MBNL3: variants seen among roughly 807,000 people sequenced by gnomAD.
MBNL3 encodes the protein muscleblind-like protein 3.
MBNL3 carries 6 observed loss-of-function variants against 24.5 expected under a neutral mutation model. That is an observed-to-expected ratio of 0.25 (90% confidence interval 0.13 to 0.48). The LOEUF is 0.48. Ranked by LOEUF, MBNL3 falls within the 20% of genes least tolerant of loss-of-function variation. MBNL3 has a pLI of 0.99. For synonymous variants in MBNL3, 100 were observed against 101.7 expected, an observed-to-expected ratio of 0.98 and a Z score of 0.10; for missense variants, 230 against 293.5, an observed-to-expected ratio of 0.78 and a Z score of 1.58.
At chrX:132,460,267 T>C (rs1223678057) in intron 1 of MBNL3, among the ~76,000 whole-genome samples, 2 of 111,956 alleles carry the variant, frequency 1.8e-5, no homozygotes, top group Non-Finnish European at 3.8e-5. Flanking sequence ...TCATGAAAAA[T>C]TGGAAACTTT....
intron 3 of MBNL3, among the ~76,000 whole-genome samples, chrX:132,399,980 C>T (rs1450218585): frequency 9.1e-6 from 1 of 110,488 alleles, no homozygotes; most frequent in Non-Finnish European, 1.9e-5. Context: ...CTGAGCTAAC[C>T]AGCCCCAGAG....
At chrX:132,469,238 G>C (rs143167142) in intron 1 of MBNL3, among the ~76,000 whole-genome samples, 1,483 of 112,623 alleles carry the variant, frequency 0.013, 27 homozygotes, top group African/African-American at 0.046. Flanking sequence ...TCACAGTGTA[G>C]TGTAACTCCT....
intron 1 of MBNL3, among the ~76,000 whole-genome samples, chrX:132,477,844 A>G (rs1432590527): frequency 5.4e-5 from 6 of 111,916 alleles, no homozygotes; most frequent in Non-Finnish European, 1.1e-4. Context: ...AATCTTTCCC[A>G]TTAATATTTT....
At position 132,394,890 on chromosome X, in the gene MBNL3, T is replaced by C. The variant is rs193286302; in HGVS notation, c.343-2556A>G. 7.1e-4 allele frequency among the ~76,000 whole-genome samples: 80 copies of C among 112,136 alleles called. No individual in the cohort carries two copies. The East Asian group carries it at 0.011, about 16-fold the overall frequency. ...TCCAAGTGTATGGAAAAAAAGGCTA[T>C]AAATTAATGATTGGTCTACATATAA... On this transcript the variant is annotated intron_variant, in intron 3 of 8. Coordinates refer to ENST00000370853, the MANE Select transcript of MBNL3 (RefSeq NM_001386889.1).
intron 1 of MBNL3, among the ~76,000 whole-genome samples, chrX:132,448,592 C>G (rs1945869342): frequency 9.0e-6 from 1 of 111,166 alleles, no homozygotes; most frequent in African/African-American, 3.3e-5. Flanking sequence ...AAATCCAGCT[C>G]CTAGATTCAT....
chrX:132,381,219 TATA>T, intron 8 of MBNL3: 5 of 344,529 alleles, frequency 1.5e-5, no homozygotes, highest in Non-Finnish European at 2.0e-5. Flanking sequence ...TTGGAAAATT[TATA>T]ATGTGTAAAT....
intron 2 of MBNL3, among the ~76,000 whole-genome samples, chrX:132,406,761 G>A (rs1941891792): frequency 8.9e-6 from 1 of 111,882 alleles, no homozygotes; most frequent in Non-Finnish European, 1.9e-5. Flanking sequence ...TGTTGGCATG[G>A]CTGCTGATTA....
chrX:132,471,151 A>G (rs1391753802), intron 1 of MBNL3, among the ~76,000 whole-genome samples: 1 of 111,316 alleles, frequency 9.0e-6, no homozygotes, highest in Non-Finnish European at 1.9e-5. Context: ...AGTAGCTGTT[A>G]CTATTAGAAA....
At position 132,424,389 on chromosome X, in the gene MBNL3, G is replaced by A. The variant is rs780277313; in HGVS notation, c.177+15046C>T. Among the ~76,000 whole-genome samples, 183 of 111,724 alleles carry A rather than the reference G, an allele frequency of 1.6e-3. 1 individual carries two copies. The highest frequency in any genetic ancestry group is 5.4e-3 in the African/African-American group (166 of 30,784). On this transcript the variant is annotated intron_variant, in intron 2 of 8. Transcript: ENST00000370853. ...GACGCCTGCTTGGAGGTTGTGAACA[G>A]TGGGGAGATCAAAGGTAACTAGTGG...
rs1230853407 is a variant in MBNL3 at position 132,439,581 on chromosome X, C to T, written c.31G>A (p.Asp11Asn). MTAVNVALIR[D>N]TKWLTLEVCR... ...ACTTCTAAAGTCAGCCACTTGGTATCACGAATCAGGGCAACATTGACAGCC... is the reference window on the plus strand; with the variant it reads ...ACTTCTAAAGTCAGCCACTTGGTATTACGAATCAGGGCAACATTGACAGCC... The change falls in exon 2 of 9, where the codon GAT becomes AAT. Residue 11 changes from aspartate (D) to asparagine (N), a missense_variant. Transcript: ENST00000370853. 7 of 1,201,898 alleles carry T rather than the reference C, an allele frequency of 5.8e-6. No individual in the cohort carries two copies. Among genetic ancestry groups the T allele is most frequent in the Non-Finnish European group, 7.8e-6 (7 of 892,131 alleles).
At chrX:132,381,349 A>G (rs1934899326) in intron 8 of MBNL3, 1 of 1,075,298 alleles carries the variant, frequency 9.3e-7, no homozygotes, top group African/African-American at 1.9e-5. Flanking sequence ...TAATACTGAA[A>G]GAAACTTACT....
intron 5 of MBNL3, among the ~76,000 whole-genome samples, chrX:132,388,742 T>TC (rs1335886719): frequency 1.9e-5 from 2 of 104,240 alleles, no homozygotes; most frequent in Non-Finnish European, 3.9e-5. Context: ...TGTCTCTCTC[T>TC]TTTTTTTTTT....
At chrX:132,425,839 A>G (rs951090637) in intron 2 of MBNL3, among the ~76,000 whole-genome samples, 6 of 112,186 alleles carry the variant, frequency 5.3e-5, no homozygotes, top group Non-Finnish European at 9.4e-5. Flanking sequence ...AAATCCGTAT[A>G]TAACGTAAAA....
rs1933633800 is a variant in MBNL3 at position 132,371,802 on chromosome X, T to C, written c.*7864A>G. 9.0e-6 allele frequency: 1 copy of C among 111,706 alleles called. No homozygotes were observed. Among genetic ancestry groups the C allele is most frequent in the African/African-American group, 3.2e-5 (1 of 30,819 alleles). 9.2% of individuals were successfully genotyped at this position (111,706 alleles called of 1,213,427 possible). On this transcript the variant is annotated 3_prime_UTR_variant, in exon 9 of 9. Transcript: ENST00000370853. ...AGTAATAGGTCTAACACAACGGATA[T>C]ATTATCTACATAATTCAAAATACTG...
chrX:132,421,615 C>T lies in MBNL3; in HGVS notation c.178-15223G>A, dbSNP rs1320211650. On this transcript the variant is annotated intron_variant, in intron 2 of 8. Coordinates refer to ENST00000370853, the MANE Select transcript of MBNL3 (RefSeq NM_001386889.1). ...TCAAGTGGTAATAAGCCAGTGCCCACTTAGGAGACTAGTTTACCTAGTCAA... is the reference window on the plus strand; with the variant it reads ...TCAAGTGGTAATAAGCCAGTGCCCATTTAGGAGACTAGTTTACCTAGTCAA... Among the ~76,000 whole-genome samples, 8 of 111,881 alleles carry T rather than the reference C, an allele frequency of 7.2e-5. No individual in the cohort carries two copies. The Admixed American group carries it at 7.6e-4, about 11-fold the overall frequency.
chrX:132,489,689 C>G (rs1209907432), upstream of MBNL3: 5 of 61,213 alleles, frequency 8.2e-5, no homozygotes, highest in Admixed American at 3.7e-4. Context: ...CGGAAACTCC[C>G]GCGAAACTCC....
intron 3 of MBNL3, 35 bp from the exon 4 acceptor site, chrX:132,392,369 G>A: frequency 9.5e-7 from 1 of 1,058,007 alleles, no homozygotes; most frequent in Non-Finnish European, 1.3e-6. Context: ...GATGTTAGAG[G>A]TAAAGATTCT....
intron 1 of MBNL3, among the ~76,000 whole-genome samples, chrX:132,468,695 C>T (rs192986364): frequency 4.4e-4 from 49 of 111,821 alleles, no homozygotes; most frequent in Admixed American, 1.3e-3. Flanking sequence ...TAACTTGGTT[C>T]GAGATTATGC....
At chrX:132,402,652 C>CA (rs1035337291) in intron 3 of MBNL3, among the ~76,000 whole-genome samples, 10 of 110,305 alleles carry the variant, frequency 9.1e-5, no homozygotes, top group Admixed American at 1.9e-4. Context: ...TTAATAAAGC[C>CA]AAAAAAAAGC....
Sources: allele counts gnomAD v4.1 joint callset (sites outside exome capture counted in the v4.1 genomes callset), GRCh38; gene constraint gnomAD v4.1.1; transcripts MANE v1.5; gene names NCBI Gene and HGNC (gene_info 2026-07-23, HGNC 2026-07-21).